GRIK1: variants seen among roughly 807,000 people sequenced by gnomAD.
The protein encoded by GRIK1 is glutamate receptor ionotropic, kainate 1.
GRIK1 carries 69 observed loss-of-function variants against 105.7 expected under a neutral mutation model. The observed-to-expected ratio is 0.65, with a 90% CI of 0.54 to 0.80. The LOEUF is 0.80. Ranked by LOEUF, GRIK1 falls within the 30% of genes least tolerant of loss-of-function variation. The pLI is 0.00. For missense variants in GRIK1, 1,109 were observed against 1,167.3 expected, an observed-to-expected ratio of 0.95 and a Z score of 0.73; for synonymous variants, 438 against 431.3, an observed-to-expected ratio of 1.02 and a Z score of -0.19.
chr21:29,833,923 C>G (rs1601811222), intron 1 of GRIK1, among the ~76,000 whole-genome samples: 1 of 152,242 alleles, frequency 6.6e-6, no homozygotes, highest in African/African-American at 2.4e-5. Context: ...TTTATGGCAG[C>G]CCTGATTTGA....
chr21:29,820,519 AG>A (rs2067272137), intron 1 of GRIK1, among the ~76,000 whole-genome samples: 1 of 152,068 alleles, frequency 6.6e-6, no homozygotes, highest in Non-Finnish European at 1.5e-5. Context: ...GGAGGAAAAA[AG>A]AGTACATGAC....
At chr21:29,848,879 T>G (rs1569157231) in intron 1 of GRIK1, among the ~76,000 whole-genome samples, 1 of 151,022 alleles carries the variant, frequency 6.6e-6, no homozygotes, top group Admixed American at 6.6e-5. Flanking sequence ...AAATGTCGTC[T>G]CTTATGGAAG....
At chr21:29,912,117 A>G (rs2070838406) in intron 1 of GRIK1, among the ~76,000 whole-genome samples, 1 of 152,058 alleles carries the variant, frequency 6.6e-6, no homozygotes, top group East Asian at 1.9e-4. Context: ...CAATTGGTGA[A>G]CCTAAGTTAA....
rs147738160 is a variant in GRIK1 at position 29,576,246 on chromosome 21, G to T, written c.2130+718C>A. Reference sequence around the variant, plus strand: ...GAGATTTGATAATAAAAGTACTAAGGCTTCCTCCAAAAGCGAGGCAGAAAT... The same window carrying T: ...GAGATTTGATAATAAAAGTACTAAGTCTTCCTCCAAAAGCGAGGCAGAAAT... On this transcript the variant is annotated intron_variant, in intron 14 of 17. Transcript: ENST00000327783. Among the ~76,000 whole-genome samples the T allele has an allele frequency of 2.6e-5, 4 of 152,226 alleles. No homozygotes were observed. The East Asian group carries it at 7.7e-4, about 29-fold the overall frequency.
chr21:29,844,239 T>G (rs1364308528), intron 1 of GRIK1, among the ~76,000 whole-genome samples: 1 of 152,242 alleles, frequency 6.6e-6, no homozygotes, highest in Non-Finnish European at 1.5e-5. Context: ...TTGATTTGTT[T>G]TACCTTTGAA....
chr21:29,572,689 G>T (rs991426807), intron 14 of GRIK1, among the ~76,000 whole-genome samples: 1 of 152,028 alleles, frequency 6.6e-6, no homozygotes, highest in African/African-American at 2.4e-5. Context: ...TGTAACTTTG[G>T]GGTAAATTAT....
intron 12 of GRIK1, among the ~76,000 whole-genome samples, chr21:29,585,672 G>A (rs749688514): frequency 3.6e-4 from 55 of 152,072 alleles, no homozygotes; most frequent in Admixed American, 2.0e-3. Context: ...GTGGGCCTCC[G>A]GGCAGAGGTA....
intron 1 of GRIK1, among the ~76,000 whole-genome samples, chr21:29,717,141 C>T (rs1418077867): frequency 1.3e-5 from 2 of 152,228 alleles, no homozygotes; most frequent in Admixed American, 1.3e-4. Flanking sequence ...GAACCTTCAC[C>T]TAGATTTCAG....
rs1007994297 is a variant in GRIK1 at position 29,670,474 on chromosome 21, G to A, written c.726+2509C>T. ...TAGGAAAGAGCTACTTCTATCAAAG[G>A]AACTTCAAGTCCAAATTTAGTGAAA... On this transcript the variant is annotated intron_variant, in intron 4 of 17. Transcript: ENST00000327783. Among the ~76,000 whole-genome samples, 3 of 152,180 alleles carry A rather than the reference G, an allele frequency of 2.0e-5. No homozygotes were observed. In the East Asian group the frequency reaches 5.8e-4, roughly 29 times the overall value.
chr21:29,933,205 G>C (rs2071634114), intron 1 of GRIK1, among the ~76,000 whole-genome samples: 1 of 152,094 alleles, frequency 6.6e-6, no homozygotes, highest in African/African-American at 2.4e-5. Context: ...AGGTAACCGT[G>C]TGTCATGGTA....
chr21:29,667,607 G>GA (rs963715695), intron 4 of GRIK1, among the ~76,000 whole-genome samples: 5 of 152,128 alleles, frequency 3.3e-5, no homozygotes, highest in African/African-American at 7.2e-5. Flanking sequence ...TGTTGTGGGA[G>GA]AAAAAATCTC....
chr21:29,785,292 G>A (rs2066227885), intron 1 of GRIK1, among the ~76,000 whole-genome samples: 1 of 152,148 alleles, frequency 6.6e-6, no homozygotes, highest in Non-Finnish European at 1.5e-5. Flanking sequence ...GGCTGAGTGT[G>A]GTGGCTCATG....
chr21:29,914,482 C>G (rs1240305601), intron 1 of GRIK1, among the ~76,000 whole-genome samples: 1 of 152,066 alleles, frequency 6.6e-6, no homozygotes, highest in Non-Finnish European at 1.5e-5. Context: ...TGGCAGTCAT[C>G]ATGAAGATGT....
chr21:29,669,260 C>A (rs994887473), intron 4 of GRIK1, among the ~76,000 whole-genome samples: 30 of 152,176 alleles, frequency 2.0e-4, no homozygotes, highest in African/African-American at 7.2e-4. Context: ...CTTTAAAGTG[C>A]CTTTGATTTC....
At chr21:29,926,556 A>G (rs899001113) in intron 1 of GRIK1, among the ~76,000 whole-genome samples, 1 of 152,130 alleles carries the variant, frequency 6.6e-6, no homozygotes, top group Non-Finnish European at 1.5e-5. Flanking sequence ...GAAATGAAAA[A>G]GTTGGACTTT....
intron 1 of GRIK1, among the ~76,000 whole-genome samples, chr21:29,890,105 T>C (rs565492930): frequency 6.6e-6 from 1 of 152,254 alleles, no homozygotes; most frequent in African/African-American, 2.4e-5. Flanking sequence ...TGTTTAATCA[T>C]AAATATTTTT....
intron 4 of GRIK1, 32 bp from the exon 5 acceptor site, chr21:29,654,895 G>T (rs760164123): frequency 3.8e-6 from 5 of 1,305,720 alleles, no homozygotes; most frequent in South Asian, 1.2e-5. Context: ...AAAGAATCAG[G>T]AACAGAATTA....
intron 1 of GRIK1, among the ~76,000 whole-genome samples, chr21:29,728,928 A>G (rs1295001891): frequency 6.6e-6 from 1 of 152,198 alleles, no homozygotes; most frequent in Non-Finnish European, 1.5e-5. Context: ...GAATAGGAAA[A>G]CTTGATTAGC....
intron 3 of GRIK1, among the ~76,000 whole-genome samples, chr21:29,678,554 G>C (rs1435426574): frequency 1.3e-5 from 2 of 152,164 alleles, no homozygotes; most frequent in African/African-American, 2.4e-5. Flanking sequence ...CTAAATATTG[G>C]TTTCCTGGGC....
Sources: gnomAD v4.1 joint callset for allele counts (sites outside exome capture counted in the v4.1 genomes callset) on GRCh38, gnomAD v4.1.1 for gene constraint, MANE v1.5 for transcripts, NCBI Gene and HGNC (gene_info 2026-07-23, HGNC 2026-07-21) for gene names.